Variants in BCAS1 observed in about 807,000 individuals in gnomAD.
The protein encoded by BCAS1 is brain enriched myelin associated protein 1.
BCAS1 carries 46 observed loss-of-function variants against 65.4 expected under a neutral mutation model. The ratio of observed to expected loss-of-function variants is 0.70; its 90% CI spans 0.55 to 0.90. The LOEUF is 0.90. Ranked by LOEUF, BCAS1 falls within the 40% of genes least tolerant of loss-of-function variation. BCAS1 has a pLI of 0.00. For missense variants in BCAS1, 793 were observed against 771.2 expected (o/e 1.03, Z -0.33); for synonymous variants, 298 against 293.5 (o/e 1.02, Z -0.16).
At chr20:53,948,650 CT>C (rs374718802) in intron 12 of BCAS1, among the ~76,000 whole-genome samples, 78 of 152,340 alleles carry the variant, frequency 5.1e-4, no homozygotes, top group African/African-American at 1.8e-3. Context: ...CCTTTCCTGC[CT>C]TATATACCAG....
At position 53,985,373 on chromosome 20, in the gene BCAS1, C is replaced by A; in HGVS notation, c.1189G>T (p.Val397Leu). 2 of 1,614,058 alleles carry A rather than the reference C, an allele frequency of 1.2e-6. No individual in the cohort carries two copies. Among genetic ancestry groups the A allele is most frequent in the Non-Finnish European group, 1.7e-6 (2 of 1,179,968 alleles). Residue 397 changes from valine to leucine, a missense_variant, in exon 8 of 13, where the codon GTG becomes TTG. Physicochemically the swap from Val to Leu is conservative, Grantham distance 32 (BLOSUM62 1). Coordinates refer to ENST00000688948, the MANE Select transcript of BCAS1 (RefSeq NM_001366298.2). ...TCCTTCGCAGGTTCAGGGGTTGTCA[C>A]GGACTGTGTGTGCCCCGATGGGTTG... Reference protein sequence around the residue: ...GCNPSGHTQSVTTPEPAKEGT... With the variant: ...GCNPSGHTQSLTTPEPAKEGT...
At chr20:53,981,508 AT>A (rs2090477827) in intron 8 of BCAS1, among the ~76,000 whole-genome samples, 1 of 150,894 alleles carries the variant, frequency 6.6e-6, no homozygotes, top group Non-Finnish European at 1.5e-5. Flanking sequence ...GAATCGGGTT[AT>A]AATTCACTGA....
chr20:53,992,737 G>A, intron 6 of BCAS1, 91 bp from the exon 7 acceptor site: 2 of 1,226,868 alleles, frequency 1.6e-6, no homozygotes, highest in Non-Finnish European at 2.2e-6. Flanking sequence ...TTAATACGCT[G>A]TGACAATTAA....
rs73124075 is a variant in BCAS1, at chr20:53,994,918, T to C, written c.927+94A>G. 37,899 of 842,122 alleles carry C rather than the reference T, an allele frequency of 0.045. 1,002 individuals carry two copies. The highest frequency in any genetic ancestry group is 0.14 in the African/African-American group (4,670 of 32,658). 52.2% of individuals were successfully genotyped at this position (842,122 alleles called of 1,614,324 possible). A position where few individuals can be genotyped will look rare whatever the true frequency, so the allele number is the denominator to read the frequency against. On this transcript the variant is annotated intron_variant, in intron 6 of 12. Transcript: ENST00000688948. The stretch of plus-strand genomic sequence containing the variant: ...ACACACACACACACACACACACACA[T>C]ATATGTATTCAAAAAACAAGCAGGC...
At chr20:53,960,467 C>CT (rs1419911641) in intron 10 of BCAS1, among the ~76,000 whole-genome samples, 1 of 52,688 alleles carries the variant, frequency 1.9e-5, no homozygotes, top group African/African-American at 6.8e-5. Flanking sequence ...AGTTCAACTT[C>CT]TTAAAAAAAA....
intron 9 of BCAS1, among the ~76,000 whole-genome samples, chr20:53,972,389 C>T (rs193200517): frequency 3.9e-5 from 6 of 152,334 alleles, no homozygotes; most frequent in African/African-American, 1.4e-4. Flanking sequence ...ATTACTGGGA[C>T]ATGCTCACTC....
At chr20:54,040,452 G>T (rs1451754524) in intron 3 of BCAS1, among the ~76,000 whole-genome samples, 2 of 151,176 alleles carry the variant, frequency 1.3e-5, no homozygotes, top group Admixed American at 1.3e-4. Context: ...TTGCCAAAGG[G>T]TGACTATTAT....
At chr20:54,043,774 C>A (rs374752834) in intron 3 of BCAS1, among the ~76,000 whole-genome samples, 1 of 152,160 alleles carries the variant, frequency 6.6e-6, no homozygotes, top group Non-Finnish European at 1.5e-5. Context: ...CACATCTAAC[C>A]GGTACCCAGG....
rs762230269 is a variant in BCAS1 at position 54,033,760 on chromosome 20, A to G, written c.143-4788T>C. ...GTACAGTTCCTACTGAAATTATTCCAAAAAGTTGAGTAGGAGGGAGTCCTT... is the reference window on the plus strand; with the variant it reads ...GTACAGTTCCTACTGAAATTATTCCGAAAAGTTGAGTAGGAGGGAGTCCTT... On this transcript the variant is annotated intron_variant, in intron 3 of 12. Transcript: ENST00000688948. Among the ~76,000 whole-genome samples the G allele has an allele frequency of 1.3e-5, 2 of 151,392 alleles. 1 individual carries two copies. The highest frequency in any genetic ancestry group is 3.0e-5 in the Non-Finnish European group (2 of 67,638).
At position 53,991,200 on chromosome 20, in the gene BCAS1, C is replaced by T. The variant is rs181170475; in HGVS notation, c.1062+1312G>A. Among the ~76,000 whole-genome samples the T allele has an allele frequency of 3.6e-3, 549 of 152,302 alleles. 8 individuals carry two copies. The highest frequency in any genetic ancestry group is 2.4e-3 in the Non-Finnish European group (163 of 68,026). On this transcript the variant is annotated intron_variant, in intron 7 of 12. Coordinates refer to ENST00000688948, the MANE Select transcript of BCAS1 (RefSeq NM_001366298.2). ...AGATTCTTTCCTATGAGATCTATGA[C>T]GCGTTTCACCAGCAGTTACTAAGTT...
intron 4 of BCAS1, among the ~76,000 whole-genome samples, chr20:54,013,691 G>A (rs1015773183): frequency 6.6e-6 from 1 of 151,982 alleles, no homozygotes; most frequent in African/African-American, 2.4e-5. Flanking sequence ...CCAGCCAATG[G>A]GCATTAAATG....
intron 1 of BCAS1, among the ~76,000 whole-genome samples, chr20:54,064,371 C>T (rs1163580395): frequency 2.0e-5 from 3 of 152,206 alleles, no homozygotes; most frequent in African/African-American, 7.2e-5. Context: ...CAACCAAACC[C>T]ACGGATTCTC....
At chr20:54,053,947 G>A (rs57696080) in intron 3 of BCAS1, among the ~76,000 whole-genome samples, 3,504 of 152,292 alleles carry the variant, frequency 0.023, 122 homozygotes, top group African/African-American at 0.081. Context: ...CTGAGACTGG[G>A]TAATTTATAA....
At chr20:53,983,713 C>A (rs971455850) in intron 8 of BCAS1, among the ~76,000 whole-genome samples, 6 of 152,206 alleles carry the variant, frequency 3.9e-5, no homozygotes, top group African/African-American at 7.2e-5. Flanking sequence ...CCAGTGTGGG[C>A]CTCTGGAACA....
chr20:54,047,237 C>T (rs549680555), intron 3 of BCAS1, among the ~76,000 whole-genome samples: 41 of 152,262 alleles, frequency 2.7e-4, no homozygotes, highest in African/African-American at 8.9e-4. Flanking sequence ...GCTAGTGTTG[C>T]AAGAGACAAG....
chr20:53,954,295 G>A (rs1389939913), intron 11 of BCAS1, among the ~76,000 whole-genome samples: 1 of 2,228 alleles, frequency 4.5e-4, no homozygotes, highest in Non-Finnish European at 1.5e-3. Context: ...CTGAGAAATG[G>A]AGAGAGAGAG....
At chr20:54,025,523 G>A (rs371069274) in intron 4 of BCAS1, among the ~76,000 whole-genome samples, 7 of 152,130 alleles carry the variant, frequency 4.6e-5, no homozygotes, top group Non-Finnish European at 7.4e-5. Flanking sequence ...TAAGATTGTC[G>A]TTCTGAAAAC....
chr20:54,000,366 T>G (rs1185990960), intron 4 of BCAS1, among the ~76,000 whole-genome samples: 1 of 88,450 alleles, frequency 1.1e-5, no homozygotes, highest in African/African-American at 6.0e-5. Context: ...TGTCATTTTG[T>G]GTTTTGTTCC....
At chr20:54,011,257 C>T (rs1395724204) in intron 4 of BCAS1, among the ~76,000 whole-genome samples, 4 of 151,872 alleles carry the variant, frequency 2.6e-5, no homozygotes, top group Admixed American at 6.5e-5. Context: ...AAAAATTTTG[C>T]CCTGTAAAAG....
Sources: gnomAD v4.1 joint callset for allele counts (sites outside exome capture counted in the v4.1 genomes callset) on GRCh38, gnomAD v4.1.1 for gene constraint, MANE v1.5 for transcripts, NCBI Gene and HGNC (gene_info 2026-07-23, HGNC 2026-07-21) for gene names.